ABCC4: variants seen among roughly 807,000 people sequenced by gnomAD.
ABCC4 encodes ATP binding cassette subfamily C member 4 (PEL blood group), also known as ATP-binding cassette sub-family C member 4.
ABCC4 carries 102 observed loss-of-function variants against 168.5 expected under a neutral mutation model. That is an observed-to-expected ratio of 0.61 (90% CI 0.52 to 0.71). The LOEUF is 0.71. Ranked by LOEUF, ABCC4 falls within the 30% of genes least tolerant of loss-of-function variation. The pLI is 0.00. For missense variants in ABCC4, 1,402 were observed against 1,605.8 expected (o/e 0.87, Z 2.17); for synonymous variants, 617 against 590.7 (o/e 1.04, Z -0.65).
chr13:95,023,330 G>T (rs2139190888), intron 30 of ABCC4, among the ~76,000 whole-genome samples: 2 of 152,258 alleles, frequency 1.3e-5, no homozygotes, highest in South Asian at 4.1e-4. Context: ...TATATTCTTT[G>T]ATTTGACCTT....
chr13:95,282,733 C>T (rs2041157433), intron 1 of ABCC4, among the ~76,000 whole-genome samples: 1 of 151,600 alleles, frequency 6.6e-6, no homozygotes, highest in African/African-American at 2.4e-5. Flanking sequence ...CAGGGTTTCA[C>T]CATGTTGACC....
chr13:95,062,211 T>G (rs1446913662), intron 26 of ABCC4, among the ~76,000 whole-genome samples: 2 of 152,168 alleles, frequency 1.3e-5, no homozygotes, highest in African/African-American at 4.8e-5. Flanking sequence ...CACCAAGAGC[T>G]AGATTCTAAA....
chr13:95,247,779 T>G (rs747508534), intron 1 of ABCC4, 26 bp from the exon 2 acceptor site: 1 of 1,576,458 alleles, frequency 6.3e-7, no homozygotes, highest in Non-Finnish European at 8.7e-7. Flanking sequence ...AAGAGACATA[T>G]ATCCAGAATT....
In ABCC4 at chr13:95,207,926, C is replaced by T; in HGVS notation, c.786-1G>A. The T allele has an allele frequency of 6.2e-7, 1 of 1,612,938 alleles. No individual in the cohort carries two copies. The highest frequency in any genetic ancestry group is 8.5e-7 in the Non-Finnish European group (1 of 1,179,778). On this transcript the variant is annotated splice_acceptor_variant, in intron 6 of 30. Coordinates refer to ENST00000645237, the MANE Select transcript of ABCC4 (RefSeq NM_005845.5). LOFTEE classifies it high-confidence loss of function. ...ATCCGTGAAAGTTGCAGTTTTACTC[C>T]TAAGGGGAACCAGACACGGGAGATG... is the stretch of plus-strand genomic sequence containing the variant.
At position 95,096,174 on chromosome 13, in the gene ABCC4, C is replaced by T. The variant is rs2034589769; in HGVS notation, c.2536-12884G>A. ...CCAGCCAGGACAACACAGCGAGATC[C>T]CATCTCTATGAAAGAAAAAAAAAAA... On this transcript the variant is annotated intron_variant, in intron 20 of 30. Coordinates refer to ENST00000645237, the MANE Select transcript of ABCC4 (RefSeq NM_005845.5). The T allele has an allele frequency of 6.3e-6, 4 of 639,752 alleles. 1 individual carries two copies. The highest frequency in any genetic ancestry group is 6.0e-5 in the East Asian group (2 of 33,508). 39.6% of individuals were successfully genotyped at this position (639,752 alleles called of 1,614,324 possible). A position where few individuals can be genotyped will look rare whatever the true frequency, so the allele number is the denominator to read the frequency against.
At chr13:95,109,445 T>C (rs188792333) in intron 20 of ABCC4, among the ~76,000 whole-genome samples, 5 of 151,852 alleles carry the variant, frequency 3.3e-5, no homozygotes, top group Admixed American at 3.3e-4. Context: ...GGCATGCACA[T>C]AGTTTCTTTC....
intron 4 of ABCC4, among the ~76,000 whole-genome samples, chr13:95,213,906 C>G (rs759880590): frequency 6.6e-6 from 1 of 151,854 alleles, no homozygotes; most frequent in African/African-American, 2.4e-5. Context: ...ACTAGATACA[C>G]AAGGAAACAA....
At chr13:95,239,042 T>A (rs1461956343) in intron 3 of ABCC4, among the ~76,000 whole-genome samples, 1 of 152,068 alleles carries the variant, frequency 6.6e-6, no homozygotes, top group African/African-American at 2.4e-5. Flanking sequence ...AAAGGATGAA[T>A]CATAATTTGT....
chr13:95,103,221 C>T (rs539201636), intron 20 of ABCC4, among the ~76,000 whole-genome samples: 2 of 152,042 alleles, frequency 1.3e-5, no homozygotes, highest in East Asian at 2.0e-4. Flanking sequence ...GCTGAGATCA[C>T]GCCACTGCAC....
intron 20 of ABCC4, among the ~76,000 whole-genome samples, chr13:95,092,991 G>C (rs1306089928): frequency 6.6e-6 from 1 of 151,988 alleles, no homozygotes; most frequent in African/African-American, 2.4e-5. Flanking sequence ...GCTTAAATCA[G>C]GAAGAATTAG....
At chr13:95,089,090 C>A (rs2034347369) in intron 20 of ABCC4, among the ~76,000 whole-genome samples, 1 of 151,878 alleles carries the variant, frequency 6.6e-6, no homozygotes, top group African/African-American at 2.4e-5. Context: ...ATGCAAAAGG[C>A]AAATTTCTGG....
intron 19 of ABCC4, among the ~76,000 whole-genome samples, chr13:95,123,301 A>C (rs2035640713): frequency 6.6e-6 from 1 of 152,190 alleles, no homozygotes; most frequent in Non-Finnish European, 1.5e-5. Flanking sequence ...TGCTAATTGG[A>C]ATTAAAATTT....
At chr13:95,271,331 G>C (rs1486167695) in intron 1 of ABCC4, among the ~76,000 whole-genome samples, 1 of 152,156 alleles carries the variant, frequency 6.6e-6, no homozygotes, top group Non-Finnish European at 1.5e-5. Context: ...GCCACCCTGA[G>C]TCAGAGACAG....
chr13:95,059,863 C>T (rs563455706), intron 26 of ABCC4, among the ~76,000 whole-genome samples: 1 of 152,228 alleles, frequency 6.6e-6, no homozygotes, highest in African/African-American at 2.4e-5. Flanking sequence ...CAAACATGTT[C>T]TCATCTAGTA....
At chr13:95,194,246 C>T (rs1366750753) in intron 9 of ABCC4, among the ~76,000 whole-genome samples, 2 of 152,208 alleles carry the variant, frequency 1.3e-5, no homozygotes, top group East Asian at 1.9e-4. Flanking sequence ...ACTTACCACA[C>T]GGTGAAACCC....
intron 8 of ABCC4, among the ~76,000 whole-genome samples, chr13:95,196,776 C>A (rs1233113699): frequency 1.3e-5 from 2 of 150,858 alleles, no homozygotes; most frequent in African/African-American, 2.4e-5. Flanking sequence ...AAGACCAGAC[C>A]CAATTTCACA....
intron 19 of ABCC4, among the ~76,000 whole-genome samples, chr13:95,140,133 C>A (rs1594167371): frequency 6.6e-6 from 1 of 152,178 alleles, no homozygotes; most frequent in Admixed American, 6.5e-5. Context: ...ATGATGTCAA[C>A]CACTGAAAAC....
intron 25 of ABCC4, among the ~76,000 whole-genome samples, chr13:95,069,418 A>G (rs7996584): frequency 0.023 from 3,521 of 152,280 alleles, 122 homozygotes; most frequent in African/African-American, 0.079. Flanking sequence ...ATTGTGGTAA[A>G]ATACACAAAA....
chr13:95,233,989 TAAAG>T (rs971910500), intron 4 of ABCC4, among the ~76,000 whole-genome samples: 1 of 152,206 alleles, frequency 6.6e-6, no homozygotes, highest in African/African-American at 2.4e-5. Flanking sequence ...ATTTAGAATA[TAAAG>T]AAAGCCTGTA....
Sources: allele counts gnomAD v4.1 joint callset (sites outside exome capture counted in the v4.1 genomes callset), GRCh38; gene constraint gnomAD v4.1.1; transcripts MANE v1.5; gene names NCBI Gene and HGNC (gene_info 2026-07-23, HGNC 2026-07-21).